Variants in HEATR4 observed in about 807,000 individuals in gnomAD.
The protein encoded by HEATR4 is HEAT repeat-containing protein 4.
In HEATR4, 95 loss-of-function variants were observed where a neutral mutation model predicts 108.8. The ratio of observed to expected loss-of-function variants is 0.87; its 90% CI spans 0.74 to 1.04. The LOEUF (loss-of-function observed/expected upper bound fraction) is 1.04, where lower values mean the gene tolerates loss of function less well. Among genes scored for constraint, HEATR4 ranks in the 50% least tolerant of loss-of-function variants. The pLI is 0.00. For missense variants in HEATR4, 1,152 were observed against 1,253.8 expected (o/e 0.92, Z 1.23); for synonymous variants, 443 against 459.4 (o/e 0.96, Z 0.46).
At chr14:73,535,469 C>CTTTTTTTTTTTTTTTTTTTTT (rs869167008) in intron 1 of HEATR4, among the ~76,000 whole-genome samples, 1 of 16,538 alleles carries the variant, frequency 6.0e-5, no homozygotes, top group Non-Finnish European at 2.8e-4. Flanking sequence ...TTTCTTCTTT[C>CTTTTTTTTTTTTTTTTTTTTT]TTTTTTTTTT....
At chr14:73,597,094 A>ATTTATTTATTTT in the HEATR4 span, among the ~76,000 whole-genome samples, 1 of 149,328 alleles carries the variant, frequency 6.7e-6, no homozygotes, top group African/African-American at 2.5e-5. Flanking sequence ...TTATTTATTT[A>ATTTATTTATTTT]TTTTTTTGAG....
chr14:73,569,384 A>C, the HEATR4 span: 1 of 1,613,934 alleles, frequency 6.2e-7, no homozygotes, highest in Non-Finnish European at 8.5e-7. Flanking sequence ...TGGGGTCTCC[A>C]CAGCTGAGGC....
At chr14:73,488,040 T>C (rs1233376769) in intron 17 of HEATR4, among the ~76,000 whole-genome samples, 10 of 152,170 alleles carry the variant, frequency 6.6e-5, no homozygotes, top group Non-Finnish European at 1.5e-4. Flanking sequence ...AGGTAGATTT[T>C]GAGTAGGGTG....
chr14:73,581,139 T>G, the HEATR4 span: 3 of 151,648 alleles, frequency 2.0e-5, no homozygotes, highest in African/African-American at 7.3e-5. Context: ...ACACTTTTTT[T>G]TTTTTTTTCT....
At chr14:73,550,523 A>T (rs567944585) in intron 1 of HEATR4, among the ~76,000 whole-genome samples, 4 of 113,752 alleles carry the variant, frequency 3.5e-5, no homozygotes, top group African/African-American at 1.1e-4. Context: ...ACAGAAGACC[A>T]CCCGGAACAT....
chr14:73,478,919 C>G (rs1402431931), intron 17 of HEATR4, 77 bp from the exon 18 acceptor site: 8 of 1,083,882 alleles, frequency 7.4e-6, no homozygotes, highest in Non-Finnish European at 1.1e-5. Context: ...GTGAAGGCCT[C>G]TTTGGCTATA....
At chr14:73,598,217 CAAAAAAAAA>C in the HEATR4 span, among the ~76,000 whole-genome samples, 17 of 54,924 alleles carry the variant, frequency 3.1e-4, no homozygotes, top group African/African-American at 1.3e-3. Flanking sequence ...ACTAAAAATA[CAAAAAAAAA>C]AAAAAAAAAA....
chr14:73,553,171 C>A (rs1233311215), intron 1 of HEATR4, among the ~76,000 whole-genome samples: 4 of 114,532 alleles, frequency 3.5e-5, no homozygotes, highest in Non-Finnish European at 7.7e-5. Flanking sequence ...TCCTGTGCCT[C>A]CCCTTCTTCT....
At chr14:73,607,077 C>T in the HEATR4 span, among the ~76,000 whole-genome samples, 2 of 152,122 alleles carry the variant, frequency 1.3e-5, no homozygotes, top group Non-Finnish European at 2.9e-5. Flanking sequence ...TTTGGGAGGC[C>T]GAGGTGGGTG....
At chr14:73,598,217 C>CA in the HEATR4 span, among the ~76,000 whole-genome samples, 9,021 of 54,944 alleles carry the variant, frequency 0.16, 990 homozygotes, top group African/African-American at 0.31. Flanking sequence ...ACTAAAAATA[C>CA]AAAAAAAAAA....
the HEATR4 span, among the ~76,000 whole-genome samples, chr14:73,578,392 G>C: frequency 1.4e-3 from 217 of 151,804 alleles, 1 homozygote; most frequent in African/African-American, 5.0e-3. Context: ...ACCATGCCCA[G>C]CTAATTTTTG....
chr14:73,528,230 A>G (rs1035094419), intron 2 of HEATR4, among the ~76,000 whole-genome samples: 2 of 151,810 alleles, frequency 1.3e-5, no homozygotes, highest in Admixed American at 1.3e-4. Context: ...CCCCATCTCT[A>G]CTAAAAATAC....
intron 10 of HEATR4, among the ~76,000 whole-genome samples, chr14:73,505,890 CTTTTTTTTTTT>C (rs139879719): frequency 8.8e-6 from 1 of 113,324 alleles, no homozygotes; most frequent in African/African-American, 3.3e-5. Flanking sequence ...ATAAACGTTT[CTTTTTTTTTTT>C]TTTTTTTGAG....
chr14:73,590,785 C>G, the HEATR4 span, among the ~76,000 whole-genome samples: 24 of 151,826 alleles, frequency 1.6e-4, no homozygotes, highest in African/African-American at 5.8e-4. Context: ...GCAAGCCCCG[C>G]GGGCAGCCCC....
chr14:73,531,552 G>T (rs1888703036), intron 1 of HEATR4, among the ~76,000 whole-genome samples: 1 of 106,422 alleles, frequency 9.4e-6, no homozygotes, highest in African/African-American at 3.0e-5. Context: ...TCCCATTACA[G>T]GCCACACCAC....
the HEATR4 span, among the ~76,000 whole-genome samples, chr14:73,598,186 A>C: frequency 7.2e-6 from 1 of 138,838 alleles, no homozygotes. Context: ...ATCCTGGTTA[A>C]CATGGTGAAA....
chr14:73,573,588 G>A, the HEATR4 span: 5 of 1,613,638 alleles, frequency 3.1e-6, no homozygotes, highest in Admixed American at 3.3e-5. Context: ...CAGTCATCCC[G>A]AGGTTAGTTC....
the HEATR4 span, chr14:73,574,770 C>T: frequency 1.5e-4 from 214 of 1,445,538 alleles, 1 homozygote; most frequent in Middle Eastern, 2.5e-4. Context: ...GAGGTAAATT[C>T]TCAAAGTTGC....
intron 5 of HEATR4, among the ~76,000 whole-genome samples, chr14:73,515,000 G>A (rs751636858): frequency 1.7e-4 from 26 of 151,664 alleles, no homozygotes; most frequent in Non-Finnish European, 2.8e-4. Context: ...CCTGAGAGGC[G>A]GAGGTTGCAG....
Sources: gnomAD v4.1 joint callset for allele counts (sites outside exome capture counted in the v4.1 genomes callset) on GRCh38, gnomAD v4.1.1 for gene constraint, MANE v1.5 for transcripts, NCBI Gene and HGNC (gene_info 2026-07-23, HGNC 2026-07-21) for gene names.